The following FHIT variants were observed in gnomAD, a reference collection of about 807,000 sequenced individuals.
FHIT encodes bis(5'-adenosyl)-triphosphatase.
A neutral mutation model predicts 17.9 loss-of-function variants in FHIT; 19 were observed. The observed-to-expected ratio is 1.06, with a 90% CI of 0.74 to 1.56. FHIT has a LOEUF of 1.56. FHIT is among the 40% of genes most tolerant of loss of function. The pLI, the probability that FHIT is intolerant of heterozygous loss-of-function variation, is 0.00. For synonymous variants in FHIT, 81 were observed against 69.7 expected, an observed-to-expected ratio of 1.16 and a Z score of -0.81; for missense variants, 248 against 189.2, an observed-to-expected ratio of 1.31 and a Z score of -1.82.
At chr3:59,861,455 C>T (rs7630255) in intron 8 of FHIT, among the ~76,000 whole-genome samples, 1 of 152,178 alleles carries the variant, frequency 6.6e-6, no homozygotes, top group Non-Finnish European at 1.5e-5. Flanking sequence ...GGGCTCAGTG[C>T]AAACTTCCAG....
intron 7 of FHIT, among the ~76,000 whole-genome samples, chr3:59,995,603 T>A (rs1261281135): frequency 6.6e-6 from 1 of 152,134 alleles, no homozygotes; most frequent in Non-Finnish European, 1.5e-5. Flanking sequence ...AAAAAATCCA[T>A]GATGTAAGGT....
chr3:60,129,326 G>A (rs1163566818), intron 5 of FHIT, among the ~76,000 whole-genome samples: 1 of 152,140 alleles, frequency 6.6e-6, no homozygotes, highest in African/African-American at 2.4e-5. Flanking sequence ...ACAGGCATGA[G>A]CCACTGTGCC....
chr3:60,331,056 T>G (rs1437488242), intron 5 of FHIT, among the ~76,000 whole-genome samples: 1 of 152,184 alleles, frequency 6.6e-6, no homozygotes, highest in Admixed American at 6.5e-5. Flanking sequence ...CTGCATATCT[T>G]AGCGTGGAGT....
intron 5 of FHIT, among the ~76,000 whole-genome samples, chr3:60,298,594 T>C (rs145884856): frequency 0.012 from 1,821 of 152,270 alleles, 54 homozygotes; most frequent in Admixed American, 0.07. Context: ...ATGTTAAGTA[T>C]GTTACTTTTT....
intron 2 of FHIT, among the ~76,000 whole-genome samples, chr3:61,047,032 T>TA (rs1413146202): frequency 6.6e-6 from 1 of 152,138 alleles, no homozygotes; most frequent in Admixed American, 6.5e-5. Flanking sequence ...CCACAGCCAA[T>TA]ATCATACCGA....
intron 2 of FHIT, among the ~76,000 whole-genome samples, chr3:61,083,434 C>T (rs1252907696): frequency 2.0e-5 from 3 of 152,110 alleles, no homozygotes; most frequent in Non-Finnish European, 4.4e-5. Context: ...ACTAAAAATA[C>T]AAAAAATTAG....
intron 5 of FHIT, among the ~76,000 whole-genome samples, chr3:60,483,512 T>C: frequency 6.6e-6 from 1 of 152,148 alleles, no homozygotes; most frequent in East Asian, 1.9e-4. Flanking sequence ...TGGGATTCAA[T>C]GGTGGTTCAA....
At chr3:60,936,657 C>T (rs1385474440) in intron 3 of FHIT, among the ~76,000 whole-genome samples, 2 of 152,112 alleles carry the variant, frequency 1.3e-5, no homozygotes, top group Non-Finnish European at 2.9e-5. Flanking sequence ...AATGAATCCT[C>T]TTCTTCTAGA....
intron 5 of FHIT, among the ~76,000 whole-genome samples, chr3:60,413,006 A>T (rs1039270394): frequency 7.9e-5 from 12 of 152,140 alleles, no homozygotes; most frequent in African/African-American, 2.9e-4. Flanking sequence ...CAGAACTGTG[A>T]GTCAATTAAG....
chr3:59,987,372 G>A (rs1709033321), intron 7 of FHIT, among the ~76,000 whole-genome samples: 1 of 151,728 alleles, frequency 6.6e-6, no homozygotes, highest in South Asian at 2.1e-4. Context: ...TTCATCGTGT[G>A]TGTCTCATGG....
At chr3:60,206,151 AT>A (rs1240979302) in intron 5 of FHIT, among the ~76,000 whole-genome samples, 7 of 139,154 alleles carry the variant, frequency 5.0e-5, no homozygotes, top group African/African-American at 1.9e-4. Flanking sequence ...AAAAAAATAA[AT>A]AATAATAATA....
intron 4 of FHIT, among the ~76,000 whole-genome samples, chr3:60,661,732 G>T (rs1474596164): frequency 2.0e-5 from 3 of 151,934 alleles, no homozygotes; most frequent in Non-Finnish European, 2.9e-5. Context: ...TTGATTTTTT[G>T]ATTATGGCCA....
intron 5 of FHIT, among the ~76,000 whole-genome samples, chr3:60,062,457 C>T (rs1313889212): frequency 2.6e-5 from 4 of 152,288 alleles, no homozygotes; most frequent in Non-Finnish European, 5.9e-5. Context: ...ACATTTAAAA[C>T]AATCCATTAA....
chr3:59,895,220 A>G (rs1266160624), intron 8 of FHIT, among the ~76,000 whole-genome samples: 2 of 152,254 alleles, frequency 1.3e-5, no homozygotes, highest in Non-Finnish European at 2.9e-5. Context: ...ATCCTGGATT[A>G]GCACGGAACA....
intron 5 of FHIT, among the ~76,000 whole-genome samples, chr3:60,213,889 C>T (rs931633936): frequency 6.6e-6 from 1 of 152,190 alleles, no homozygotes; most frequent in Non-Finnish European, 1.5e-5. Flanking sequence ...TGCCTATCTA[C>T]ATCTCCTATC....
At chr3:60,927,332 G>A (rs1179351777) in intron 3 of FHIT, among the ~76,000 whole-genome samples, 5 of 152,154 alleles carry the variant, frequency 3.3e-5, no homozygotes, top group African/African-American at 1.2e-4. Context: ...GTGCAGTGGC[G>A]TGAACCTCCA....
chr3:60,104,828 G>A (rs1306429359), intron 5 of FHIT, among the ~76,000 whole-genome samples: 1 of 152,060 alleles, frequency 6.6e-6, no homozygotes, highest in East Asian at 1.9e-4. Context: ...CAAGAATCCA[G>A]GAAACTTAGT....
At chr3:61,010,679 G>C (rs889359708) in intron 3 of FHIT, among the ~76,000 whole-genome samples, 1 of 152,130 alleles carries the variant, frequency 6.6e-6, no homozygotes. Flanking sequence ...TGTCAGCATT[G>C]ACACTGCCAA....
At chr3:60,578,415 C>T (rs915382547) in intron 4 of FHIT, among the ~76,000 whole-genome samples, 18 of 145,892 alleles carry the variant, frequency 1.2e-4, no homozygotes, top group Middle Eastern at 3.7e-3. Context: ...CTGGCCTGGG[C>T]GAAAGAGCAT....
Sources: gnomAD v4.1 joint callset for allele counts (sites outside exome capture counted in the v4.1 genomes callset) on GRCh38, gnomAD v4.1.1 for gene constraint, MANE v1.5 for transcripts, NCBI Gene and HGNC (gene_info 2026-07-23, HGNC 2026-07-21) for gene names.